The following ETV6 variants were observed in gnomAD, a reference collection of about 807,000 sequenced individuals.
The protein encoded by ETV6 is ETS variant transcription factor 6.
A neutral mutation model predicts 51.1 loss-of-function variants in ETV6; 16 were observed. That is an observed-to-expected ratio of 0.31 (90% CI 0.21 to 0.48). ETV6 has a LOEUF of 0.48. Among genes scored for constraint, ETV6 ranks in the 20% least tolerant of loss-of-function variants. ETV6 has a pLI of 0.99. For missense variants in ETV6, 458 were observed against 594.8 expected (o/e 0.77, Z 2.39); for synonymous variants, 240 against 224.1 (o/e 1.07, Z -0.64).
At chr12:11,807,321 C>T (rs999756819) in intron 2 of ETV6, among the ~76,000 whole-genome samples, 3 of 152,210 alleles carry the variant, frequency 2.0e-5, no homozygotes, top group Non-Finnish European at 4.4e-5. Context: ...TATACGCCAA[C>T]ATCACTTTTT....
At chr12:11,794,235 G>A (rs1206132327) in intron 2 of ETV6, among the ~76,000 whole-genome samples, 2 of 152,190 alleles carry the variant, frequency 1.3e-5, no homozygotes, top group African/African-American at 2.4e-5. Context: ...AGCTTTAAGA[G>A]TGCACTTAAA....
chr12:11,653,152 T>C (rs1254352347), intron 1 of ETV6, among the ~76,000 whole-genome samples: 2 of 152,160 alleles, frequency 1.3e-5, no homozygotes, highest in Non-Finnish European at 2.9e-5. Flanking sequence ...AAGGAAAGGA[T>C]CAACTCTCTA....
At chr12:11,780,257 T>A (rs1945393871) in intron 2 of ETV6, among the ~76,000 whole-genome samples, 1 of 152,208 alleles carries the variant, frequency 6.6e-6, no homozygotes, top group African/African-American at 2.4e-5. Context: ...TTAATATCTG[T>A]CACTTGGGTT....
At chr12:11,804,410 C>T (rs1035406374) in intron 2 of ETV6, among the ~76,000 whole-genome samples, 6 of 152,200 alleles carry the variant, frequency 3.9e-5, no homozygotes, top group Admixed American at 6.5e-5. Context: ...TCTCGTCAAC[C>T]TCTCCACCCT....
chr12:11,835,454 T>C (rs1204686284), intron 2 of ETV6, among the ~76,000 whole-genome samples: 1 of 152,242 alleles, frequency 6.6e-6, no homozygotes, highest in Non-Finnish European at 1.5e-5. Flanking sequence ...AAGCAAGTTA[T>C]GTATGTGCCT....
At chr12:11,768,604 G>A (rs974164378) in intron 2 of ETV6, among the ~76,000 whole-genome samples, 1 of 152,082 alleles carries the variant, frequency 6.6e-6, no homozygotes, top group Non-Finnish European at 1.5e-5. Context: ...CCCGTACCAG[G>A]GCTGCAAAAA....
At chr12:11,802,299 T>C (rs979880146) in intron 2 of ETV6, among the ~76,000 whole-genome samples, 1 of 152,192 alleles carries the variant, frequency 6.6e-6, no homozygotes, top group Admixed American at 6.5e-5. Flanking sequence ...CAGCTGATCT[T>C]ATTCTAGAAG....
intron 3 of ETV6, among the ~76,000 whole-genome samples, chr12:11,841,122 T>A (rs1946384916): frequency 6.6e-6 from 1 of 152,246 alleles, no homozygotes; most frequent in Admixed American, 6.5e-5. Context: ...TCAGGTGCAC[T>A]TTTTTATAGC....
intron 1 of ETV6, among the ~76,000 whole-genome samples, chr12:11,666,517 G>A (rs186167459): frequency 1.1e-3 from 163 of 152,340 alleles, no homozygotes; most frequent in Admixed American, 3.8e-3. Flanking sequence ...AGTCTTAAGA[G>A]AGTGTGTTAG....
Position 11,666,473 on chromosome 12 carries a change from G to A in ETV6, c.33+16313G>A, listed in dbSNP as rs144566834. ...GACAGCCTCAATATTGCTGTTTACA[G>A]TGGATAGCCCAGTGACATTTATTTA... On this transcript the variant is annotated intron_variant, in intron 1 of 7. Coordinates refer to ENST00000396373, the MANE Select transcript of ETV6 (RefSeq NM_001987.5). 1.3e-4 allele frequency among the ~76,000 whole-genome samples: 20 copies of A among 152,304 alleles called. No individual in the cohort carries two copies. The East Asian group carries it at 2.7e-3, about 21-fold the overall frequency.
At chr12:11,819,392 T>C (rs1383614265) in intron 2 of ETV6, among the ~76,000 whole-genome samples, 2 of 152,228 alleles carry the variant, frequency 1.3e-5, no homozygotes, top group Non-Finnish European at 2.9e-5. Context: ...GCCTGCTGCC[T>C]AAATGTTTTC....
rs1947293745 is a variant in ETV6 at position 11,891,873 on chromosome 12, A to ACAGATGCTGCTGTGCTGCAGACAGATAC, written c.*828_*855dup. 1 of 305,950 alleles carries ACAGATGCTGCTGTGCTGCAGACAGATAC rather than the reference A, an allele frequency of 3.3e-6. No homozygotes were observed. Among genetic ancestry groups the ACAGATGCTGCTGTGCTGCAGACAGATAC allele is most frequent in the East Asian group, 4.9e-5 (1 of 20,380 alleles). 19.0% of individuals were successfully genotyped at this position (305,950 alleles called of 1,614,324 possible). On this transcript the variant is annotated 3_prime_UTR_variant, in exon 8 of 8. Transcript: ENST00000396373. ...CCATCTGAGGGAGGCCAAAATCATC[A>ACAGATGCTGCTGTGCTGCAGACAGATAC]CAGATGCTGCTGTGCTGCAGACAGA...
In ETV6 at chr12:11,874,173, C is replaced by T. The variant is rs909712380; in HGVS notation, c.1009+4204C>T. 8.9e-5 allele frequency among the ~76,000 whole-genome samples: 4 copies of T among 44,946 alleles called. 1 individual carries two copies. Among genetic ancestry groups the T allele is most frequent in the African/African-American group, 1.9e-4 (2 of 10,402 alleles). 29.5% of individuals were successfully genotyped at this position (44,946 alleles called of 152,430 possible). On this transcript the variant is annotated intron_variant, in intron 5 of 7. Transcript: ENST00000396373. ...GGCAGATCACCTGAGGTCAGGATTT[C>T]GAGACCAGCCTGGCCAACATGGTGA...
At chr12:11,765,174 A>G (rs1338052666) in intron 2 of ETV6, among the ~76,000 whole-genome samples, 1 of 152,234 alleles carries the variant, frequency 6.6e-6, no homozygotes, top group Non-Finnish European at 1.5e-5. Context: ...TTCAGGGTTT[A>G]TATATCCAGA....
At chr12:11,867,860 G>T (rs142543098) in intron 4 of ETV6, among the ~76,000 whole-genome samples, 22 of 152,278 alleles carry the variant, frequency 1.4e-4, no homozygotes, top group Non-Finnish European at 2.9e-4. Flanking sequence ...TGGGTGTGGA[G>T]CCGTGTAGAA....
In ETV6 at chr12:11,888,378, TTTTTC is replaced by T. The variant is rs1213180522; in HGVS notation, c.1253+2372_1253+2376del. 3.3e-3 allele frequency among the ~76,000 whole-genome samples: 449 copies of T among 135,998 alleles called. 37 individuals are homozygous for T. Among genetic ancestry groups the T allele is most frequent in the Middle Eastern group, 0.011 (3 of 262 alleles). The allele number at this position is 135,998 out of a possible 152,430, so 89.2% of individuals were successfully genotyped here. ...AGCCCTTAACTACACTACAATTTGCTTTTTCTTTTCTTTTCTTTTCTTTTTTTTTT... is the reference window on the plus strand; with the variant it reads ...AGCCCTTAACTACACTACAATTTGCTTTTTCTTTTCTTTTCTTTTTTTTTT... On this transcript the variant is annotated intron_variant, in intron 7 of 7. Coordinates refer to ENST00000396373, the MANE Select transcript of ETV6 (RefSeq NM_001987.5).
At chr12:11,790,980 C>T (rs1486508183) in intron 2 of ETV6, among the ~76,000 whole-genome samples, 1 of 152,134 alleles carries the variant, frequency 6.6e-6, no homozygotes. Context: ...TGCGCCCGGC[C>T]AGAGCTTAAG....
chr12:11,848,478 T>C (rs1458822317), intron 3 of ETV6, among the ~76,000 whole-genome samples: 2 of 152,246 alleles, frequency 1.3e-5, no homozygotes, highest in East Asian at 1.9e-4. Context: ...CACAGCAGTA[T>C]TGTTCACTCG....
At chr12:11,673,753 A>G (rs1419778366) in intron 1 of ETV6, among the ~76,000 whole-genome samples, 1 of 152,140 alleles carries the variant, frequency 6.6e-6, no homozygotes, top group Non-Finnish European at 1.5e-5. Flanking sequence ...TTCTTGGGTA[A>G]TGATCCTGTA....
Sources: gnomAD v4.1 joint callset for allele counts (sites outside exome capture counted in the v4.1 genomes callset) on GRCh38, gnomAD v4.1.1 for gene constraint, MANE v1.5 for transcripts, NCBI Gene and HGNC (gene_info 2026-07-23, HGNC 2026-07-21) for gene names.